Variants in SPINT2 observed in about 807,000 individuals in gnomAD.
SPINT2 encodes the protein serine peptidase inhibitor, Kunitz type 2.
In SPINT2, 18 loss-of-function variants were observed where a neutral mutation model predicts 30.1. The ratio of observed to expected loss-of-function variants is 0.60; its 90% CI spans 0.41 to 0.89. The LOEUF is 0.89. SPINT2 is among the 40% of genes least tolerant of loss of function. The probability of loss-of-function intolerance (pLI) is 0.00; values close to 1 mark genes in which losing one functional copy is unlikely to be tolerated. For synonymous variants in SPINT2, 139 were observed against 137.9 expected, an observed-to-expected ratio of 1.01 and a Z score of -0.05; for missense variants, 276 against 334.3, an observed-to-expected ratio of 0.83 and a Z score of 1.36.
chr19:38,269,698 C>T (rs1178660235), intron 1 of SPINT2, among the ~76,000 whole-genome samples: 5 of 151,466 alleles, frequency 3.3e-5, no homozygotes, highest in African/African-American at 1.2e-4. Flanking sequence ...GCAAGCTCCG[C>T]CTCCTGGGTT....
At chr19:38,266,712 G>A (rs1968383601) in intron 1 of SPINT2, among the ~76,000 whole-genome samples, 1 of 151,854 alleles carries the variant, frequency 6.6e-6, no homozygotes, top group Non-Finnish European at 1.5e-5. Flanking sequence ...TGTGTACCAA[G>A]TCATCACCTG....
rs1485285553 is a variant in SPINT2, at chr19:38,289,047, A to T, written c.338-91A>T. Reference sequence around the variant, plus strand: ...CACCCCTTCTTAAAGGCGTGTCCACACTCCTCAGTGGGCCCTTCCAGACCC... The same window carrying T: ...CACCCCTTCTTAAAGGCGTGTCCACTCTCCTCAGTGGGCCCTTCCAGACCC... On this transcript the variant is annotated intron_variant, in intron 3 of 6. Transcript: ENST00000301244. 3.4e-6 allele frequency: 4 copies of T among 1,174,036 alleles called. No homozygotes were observed. The Admixed American group carries it at 5.1e-5, about 15-fold the overall frequency. The allele number at this position is 1,174,036 out of a possible 1,614,324, so 72.7% of individuals were successfully genotyped here. A position where few individuals can be genotyped will look rare whatever the true frequency, so the allele number is the denominator to read the frequency against.
At chr19:38,288,067 G>A in intron 3 of SPINT2, 132 bp downstream of exon 3, 1 of 1,049,318 alleles carries the variant, frequency 9.5e-7, no homozygotes, top group African/African-American at 1.6e-5. Flanking sequence ...CAAACCGGGG[G>A]CTCTGCCTGG....
Position 38,290,762 on chromosome 19 carries a change from C to A in SPINT2, c.592+187C>A. ...CACCGTTCAGTGTACACAGTTGGGG[C>A]TGGAGTGAGTCAGTCACAAGGCAGG... On this transcript the variant is annotated intron_variant, in intron 6 of 6. Transcript: ENST00000301244. This position sits in a 1 kb window ranked among gnomAD's most constrained non-coding sequence, Gnocchi z 4.3. The A allele has an allele frequency of 3.6e-6, 3 of 836,516 alleles. No individual in the cohort carries two copies. Among genetic ancestry groups the A allele is most frequent in the Non-Finnish European group, 3.8e-6 (2 of 524,072 alleles). 51.8% of individuals were successfully genotyped at this position (836,516 alleles called of 1,614,324 possible).
chr19:38,283,945 C>G, intron 2 of SPINT2, 148 bp downstream of exon 2: 1 of 909,152 alleles, frequency 1.1e-6, no homozygotes, highest in Non-Finnish European at 1.6e-6. Flanking sequence ...GGGTTCACGC[C>G]ATTCTCCTGC....
At chr19:38,267,934 C>A (rs768334468) in intron 1 of SPINT2, among the ~76,000 whole-genome samples, 26 of 152,024 alleles carry the variant, frequency 1.7e-4, no homozygotes, top group Non-Finnish European at 3.4e-4. Context: ...AGCAAGGAGA[C>A]CTCCCCACTT....
At chr19:38,272,545 C>G (rs1968469482) in intron 1 of SPINT2, among the ~76,000 whole-genome samples, 2 of 152,158 alleles carry the variant, frequency 1.3e-5, no homozygotes, top group Admixed American at 1.3e-4. Flanking sequence ...TAACAGCAGA[C>G]AGTTTCTTAG....
chr19:38,291,011 T>C, intron 6 of SPINT2: 1 of 240,308 alleles, frequency 4.2e-6, no homozygotes, highest in South Asian at 5.6e-5. Context: ...GTTTCTGAGC[T>C]TGAGTTGCAG....
At position 38,290,661 on chromosome 19, in the gene SPINT2, A is replaced by G; in HGVS notation, c.592+86A>G. On this transcript the variant is annotated intron_variant, in intron 6 of 6. Coordinates refer to ENST00000301244, the MANE Select transcript of SPINT2 (RefSeq NM_021102.4). This position sits in a 1 kb window ranked among gnomAD's most constrained non-coding sequence, Gnocchi z 4.3. ...TCAGCCCTGCCCAGCTGTGGTTTAC[A>G]TTATCCTTCACTGTGAACATCATCT... 1.7e-5 allele frequency: 26 copies of G among 1,505,556 alleles called. No homozygotes were observed. Among genetic ancestry groups the G allele is most frequent in the Non-Finnish European group, 2.4e-5 (26 of 1,102,780 alleles). 93.3% of individuals were successfully genotyped at this position (1,505,556 alleles called of 1,614,324 possible). A position where few individuals can be genotyped will look rare whatever the true frequency, so the allele number is the denominator to read the frequency against.
intron 1 of SPINT2, among the ~76,000 whole-genome samples, chr19:38,276,221 G>T (rs1034271812): frequency 2.0e-5 from 3 of 152,166 alleles, no homozygotes; most frequent in African/African-American, 7.2e-5. Flanking sequence ...AGCATTTCAG[G>T]AGTGGCTTTG....
intron 1 of SPINT2, among the ~76,000 whole-genome samples, chr19:38,272,750 C>G (rs1033007729): frequency 6.6e-6 from 1 of 152,118 alleles, no homozygotes; most frequent in African/African-American, 2.4e-5. Context: ...GATATGGAGT[C>G]TCTGTCGCCC....
rs763344239 is a variant in SPINT2 at position 38,283,587 on chromosome 19, T to C, written c.107-40T>C. ...CTGTGCGTGTCCTTTGTTGCCAGGATTGCCCTGCCAAGCTAACCGGGTTGT... is the reference window on the plus strand; with the variant it reads ...CTGTGCGTGTCCTTTGTTGCCAGGACTGCCCTGCCAAGCTAACCGGGTTGT... On this transcript the variant is annotated intron_variant, in intron 1 of 6. Transcript: ENST00000301244. 14 of 1,612,930 alleles carry C rather than the reference T, an allele frequency of 8.7e-6. No homozygotes were observed. In the East Asian group the frequency reaches 2.0e-4, roughly 23 times the overall value.
chr19:38,277,942 C>A (rs1444633315), intron 1 of SPINT2, among the ~76,000 whole-genome samples: 1 of 152,162 alleles, frequency 6.6e-6, no homozygotes, highest in Non-Finnish European at 1.5e-5. Context: ...TGAAAACATA[C>A]AGAATGTACT....
rs911215226 is a variant in SPINT2, at chr19:38,290,421, G to A, written c.554-116G>A. On this transcript the variant is annotated intron_variant, in intron 5 of 6. Transcript: ENST00000301244. The surrounding 1 kb of genome is among the most constrained non-coding windows in gnomAD (Gnocchi z 4.3). ...AAGGCCTCTAAGCCCCAGAAAAGCT[G>A]GAAGAAAGCCCCTCAGAAAGAGCTC... 64 of 1,596,894 alleles carry A rather than the reference G, an allele frequency of 4.0e-5. No individual in the cohort carries two copies. In the Middle Eastern group the frequency reaches 8.0e-4, roughly 20 times the overall value.
chr19:38,266,574 G>T (rs1968381716), intron 1 of SPINT2, among the ~76,000 whole-genome samples: 1 of 152,080 alleles, frequency 6.6e-6, no homozygotes, highest in Admixed American at 6.6e-5. Context: ...TACTCGGGAG[G>T]CTGAGGCAGG....
chr19:38,265,211 G>T, intron 1 of SPINT2: 1 of 525,168 alleles, frequency 1.9e-6, no homozygotes. Context: ...GCGAGGGTTA[G>T]GAGAGTTTCC....
rs1055030539 is a variant in SPINT2 at position 38,292,146 on chromosome 19, T to C, written c.*140T>C. The C allele has an allele frequency of 8.1e-7, 1 of 1,237,398 alleles. No individual in the cohort carries two copies. The highest frequency in any genetic ancestry group is 1.1e-6 in the Non-Finnish European group (1 of 884,078). The allele number at this position is 1,237,398 out of a possible 1,614,324, so 76.7% of individuals were successfully genotyped here. A position where few individuals can be genotyped will look rare whatever the true frequency, so the allele number is the denominator to read the frequency against. ...GGGAGGTAGGACGGCTGCTTCCTGG[T>C]CTGGCAGGGATGGGTTTGCTTTGGA... is the stretch of plus-strand genomic sequence containing the variant. On this transcript the variant is annotated 3_prime_UTR_variant, in exon 7 of 7. Transcript: ENST00000301244.
intron 1 of SPINT2, among the ~76,000 whole-genome samples, chr19:38,272,258 G>A (rs1269925035): frequency 6.6e-6 from 1 of 152,144 alleles, no homozygotes; most frequent in Non-Finnish European, 1.5e-5. Context: ...GTCATTTAGA[G>A]TGTATGGCAT....
chr19:38,279,000 A>G (rs1968549807), intron 1 of SPINT2, among the ~76,000 whole-genome samples: 1 of 152,104 alleles, frequency 6.6e-6, no homozygotes, highest in African/African-American at 2.4e-5. Flanking sequence ...ATAGATGCTT[A>G]AAAACAATTC....
Sources: allele counts gnomAD v4.1 joint callset (sites outside exome capture counted in the v4.1 genomes callset), GRCh38; gene constraint gnomAD v4.1.1; non-coding constraint Gnocchi (gnomAD v3.1); transcripts MANE v1.5; gene names NCBI Gene and HGNC (gene_info 2026-07-23, HGNC 2026-07-21).